The following PAPSS1 variants were observed in gnomAD, a reference collection of about 807,000 sequenced individuals.
PAPSS1 encodes bifunctional 3'-phosphoadenosine 5'-phosphosulfate synthase 1.
A neutral mutation model predicts 72.0 loss-of-function variants in PAPSS1; 50 were observed. That is an observed-to-expected ratio of 0.69 (90% confidence interval 0.55 to 0.88). The LOEUF is 0.88. Ranked by LOEUF, PAPSS1 falls within the 40% of genes least tolerant of loss-of-function variation. The pLI is 0.00. For missense variants in PAPSS1, 657 were observed against 782.2 expected (o/e 0.84, Z 1.91); for synonymous variants, 261 against 263.6 (o/e 0.99, Z 0.09).
chr4:107,702,608 G>C (rs1175219689), intron 1 of PAPSS1, among the ~76,000 whole-genome samples: 1 of 152,048 alleles, frequency 6.6e-6, no homozygotes, highest in Non-Finnish European at 1.5e-5. Context: ...AGATCATATG[G>C]TACTTCCCTT....
chr4:107,669,029 A>C (rs957729937), intron 5 of PAPSS1, among the ~76,000 whole-genome samples: 1 of 152,124 alleles, frequency 6.6e-6, no homozygotes, highest in Non-Finnish European at 1.5e-5. Flanking sequence ...TGATATATTC[A>C]TCCCCTTCAC....
At chr4:107,673,377 G>C (rs1727548822) in intron 5 of PAPSS1, among the ~76,000 whole-genome samples, 1 of 152,150 alleles carries the variant, frequency 6.6e-6, no homozygotes, top group Non-Finnish European at 1.5e-5. Context: ...GGACCTGATG[G>C]AGCTGAAAAC....
chr4:107,640,069 T>C (rs1726495786), intron 10 of PAPSS1, among the ~76,000 whole-genome samples: 1 of 152,230 alleles, frequency 6.6e-6, no homozygotes, highest in Non-Finnish European at 1.5e-5. Context: ...GTAACATATA[T>C]CCACATTCTC....
At position 107,656,910 on chromosome 4, in the gene PAPSS1, T is replaced by C. The variant is rs145335663; in HGVS notation, c.881A>G (p.Asp294Gly). 175 of 1,604,434 alleles carry C rather than the reference T, an allele frequency of 1.1e-4. No individual in the cohort carries two copies. The highest frequency in any genetic ancestry group is 1.3e-4 in the Non-Finnish European group (153 of 1,171,330). Residue 294 changes from aspartate to glycine, a missense_variant, in exon 7 of 12, where the codon GAT becomes GGT. Asp to Gly is a moderately conservative substitution (Grantham distance 94). Transcript: ENST00000265174. Reference sequence around the variant, plus strand: ...AAATGTCTTACCATCCAGAAGACAATCAAAATGAAGGCACTGCAAGTACTC... The same window carrying C: ...AAATGTCTTACCATCCAGAAGACAACCAAAATGAAGGCACTGCAAGTACTC... Reference protein sequence around the residue: ...EREYLQCLHFDCLLDGGVINL... With the variant: ...EREYLQCLHFGCLLDGGVINL...
chr4:107,658,493 C>T (rs923320358), intron 6 of PAPSS1, among the ~76,000 whole-genome samples: 1 of 152,052 alleles, frequency 6.6e-6, no homozygotes, highest in Non-Finnish European at 1.5e-5. Flanking sequence ...CCCATTAGAA[C>T]GTCAAAGGAC....
At chr4:107,674,635 GTTAAAAAGGAT>G (rs200185016) in intron 5 of PAPSS1, among the ~76,000 whole-genome samples, 36,073 of 151,538 alleles carry the variant, frequency 0.24, 4,700 homozygotes, top group Middle Eastern at 0.34. Context: ...GAGACAGAAA[GTTAAAAAGGAT>G]ATCCAGGAAT....
At chr4:107,719,999 C>A in intron 1 of PAPSS1, 121 bp downstream of exon 1, 1 of 1,496,924 alleles carries the variant, frequency 6.7e-7, no homozygotes, top group Non-Finnish European at 8.8e-7. Flanking sequence ...AGCCCCGGAA[C>A]CCACCTCCGC....
In PAPSS1 at chr4:107,682,038, C is replaced by T. The variant is rs1254579214; in HGVS notation, c.646G>A (p.Val216Ile). Residue 216 changes from valine to isoleucine, a missense_variant, in exon 5 of 12, where the codon GTT becomes ATT. This residue lies in a region of PAPSS1 where 28 missense variants were observed against 60.8 expected (regional missense o/e 0.46). Coordinates refer to ENST00000265174, the MANE Select transcript of PAPSS1 (RefSeq NM_005443.5). ...SCDVNDCVQQ[V>I]VELLQERDIV... is the part of the protein sequence containing the mutation. ...ACCCGTTCCTGTAGAAGTTCCACAA[C>T]TTGCTGGACACAGTCATTTACATCA... The T allele has an allele frequency of 3.1e-6, 5 of 1,595,652 alleles. No individual in the cohort carries two copies. The highest frequency in any genetic ancestry group is 4.3e-6 in the Non-Finnish European group (5 of 1,165,984).
intron 9 of PAPSS1, among the ~76,000 whole-genome samples, chr4:107,652,498 G>A (rs552496014): frequency 2.0e-5 from 3 of 152,308 alleles, no homozygotes; most frequent in Admixed American, 1.3e-4. Flanking sequence ...ATAAAGAACA[G>A]CATCTGTAGC....
At chr4:107,687,274 G>A in intron 3 of PAPSS1, 97 bp from the exon 4 acceptor site, 3 of 838,316 alleles carry the variant, frequency 3.6e-6, no homozygotes, top group South Asian at 5.3e-5. Context: ...CCAATTTAGT[G>A]GGAAATAGAC....
At chr4:107,650,834 C>G (rs898094176) in intron 9 of PAPSS1, among the ~76,000 whole-genome samples, 2 of 151,826 alleles carry the variant, frequency 1.3e-5, no homozygotes, top group Admixed American at 6.6e-5. Context: ...ACATCCAAAA[C>G]AGGAAGAGAA....
At chr4:107,697,359 T>C (rs1479819610) in intron 2 of PAPSS1, among the ~76,000 whole-genome samples, 1 of 152,212 alleles carries the variant, frequency 6.6e-6, no homozygotes, top group Admixed American at 6.5e-5. Context: ...TTTAGGCAAA[T>C]TGTTACACAG....
intron 10 of PAPSS1, among the ~76,000 whole-genome samples, chr4:107,641,243 T>C (rs1726533721): frequency 6.6e-6 from 1 of 152,172 alleles, no homozygotes; most frequent in South Asian, 2.1e-4. Context: ...ATTCCTTATC[T>C]TCCACCCACT....
chr4:107,634,838 C>A (rs554672389), intron 10 of PAPSS1, among the ~76,000 whole-genome samples: 3 of 124,148 alleles, frequency 2.4e-5, no homozygotes, highest in Non-Finnish European at 4.7e-5. Context: ...CTCGCTGTGT[C>A]GCCCAGGCTG....
At chr4:107,657,720 G>C (rs1338090316) in intron 6 of PAPSS1, among the ~76,000 whole-genome samples, 1 of 150,822 alleles carries the variant, frequency 6.6e-6, no homozygotes, top group African/African-American at 2.4e-5. Flanking sequence ...CTGGCAGCCT[G>C]GGCAGTAGAG....
chr4:107,618,495 T>G (rs1725880216), intron 11 of PAPSS1, among the ~76,000 whole-genome samples: 1 of 148,254 alleles, frequency 6.7e-6, no homozygotes, highest in Non-Finnish European at 1.5e-5. Flanking sequence ...AAGAGAAACA[T>G]AAGATGGAGA....
At chr4:107,682,922 A>G (rs747100264) in intron 4 of PAPSS1, among the ~76,000 whole-genome samples, 3 of 152,224 alleles carry the variant, frequency 2.0e-5, no homozygotes, top group Non-Finnish European at 4.4e-5. Flanking sequence ...ATCACAAAAT[A>G]AATTACACAA....
At chr4:107,700,569 A>T (rs901644161) in intron 2 of PAPSS1, among the ~76,000 whole-genome samples, 1 of 152,202 alleles carries the variant, frequency 6.6e-6, no homozygotes, top group Admixed American at 6.5e-5. Flanking sequence ...TTAATCCTCA[A>T]TGCAACAGTG....
chr4:107,616,673 GCTACTA>G (rs1375527277), intron 11 of PAPSS1, among the ~76,000 whole-genome samples: 1 of 152,132 alleles, frequency 6.6e-6, no homozygotes, highest in Non-Finnish European at 1.5e-5. Context: ...GTCAATTTGT[GCTACTA>G]CTTTGTTTTT....
Sources: gnomAD v4.1 joint callset for allele counts (sites outside exome capture counted in the v4.1 genomes callset) on GRCh38, gnomAD v4.1.1 for gene constraint, gnomAD v4.1.1 regional missense constraint, MANE v1.5 for transcripts, NCBI Gene and HGNC (gene_info 2026-07-23, HGNC 2026-07-21) for gene names.